Variants in TOX3 observed in about 807,000 individuals in gnomAD.
TOX3 encodes CAG trinucleotide repeat-containing gene F9 protein.
A neutral mutation model predicts 64.3 loss-of-function variants in TOX3; 22 were observed. The observed-to-expected ratio is 0.34, with a 90% confidence interval of 0.24 to 0.49. The LOEUF is 0.49. Ranked by LOEUF, TOX3 falls within the 20% of genes least tolerant of loss-of-function variation. The pLI, the probability that TOX3 is intolerant of heterozygous loss-of-function variation, is 0.99. For missense variants in TOX3, 661 were observed against 714.4 expected, an observed-to-expected ratio of 0.93 and a Z score of 0.85; for synonymous variants, 291 against 273.6, an observed-to-expected ratio of 1.06 and a Z score of -0.63.
intron 4 of TOX3, among the ~76,000 whole-genome samples, chr16:52,448,000 C>T (rs1451529909): frequency 6.6e-6 from 1 of 151,688 alleles, no homozygotes; most frequent in Non-Finnish European, 1.5e-5. Flanking sequence ...CTCTGTAAAA[C>T]AATATTCAAA....
intron 1 of TOX3, among the ~76,000 whole-genome samples, chr16:52,489,270 C>A (rs980913933): frequency 2.0e-5 from 3 of 152,118 alleles, no homozygotes; most frequent in Non-Finnish European, 2.9e-5. Flanking sequence ...TGCTGAGCCC[C>A]TCTCAAATTA....
chr16:52,483,775 G>A (rs1467671882), intron 1 of TOX3, among the ~76,000 whole-genome samples: 1 of 134,748 alleles, frequency 7.4e-6, no homozygotes, highest in Non-Finnish European at 1.6e-5. Context: ...CACCATGTTG[G>A]TCAGGCTGGT....
chr16:52,437,787 CT>C lies in TOX3; in HGVS notation c.*1437del, dbSNP rs1959791833. On this transcript the variant is annotated 3_prime_UTR_variant, in exon 7 of 7. Transcript: ENST00000219746. The stretch of plus-strand genomic sequence containing the variant: ...CTCTATACTTACCTTGTACTTGCAT[CT>C]TAAAAAAAAAAAAAAAAAAAAAAAA... Among the ~76,000 whole-genome samples the C allele has an allele frequency of 1.6e-5, 1 of 62,314 alleles. No individual in the cohort carries two copies. Among genetic ancestry groups the C allele is most frequent in the Admixed American group, 2.7e-4 (1 of 3,718 alleles). 40.9% of individuals were successfully genotyped at this position (62,314 alleles called of 152,430 possible). A position where few individuals can be genotyped will look rare whatever the true frequency, so the allele number is the denominator to read the frequency against.
chr16:52,514,273 A>T (rs1484599704), intron 1 of TOX3, among the ~76,000 whole-genome samples: 1 of 152,222 alleles, frequency 6.6e-6, no homozygotes, highest in East Asian at 1.9e-4. Context: ...CCACCCAAAC[A>T]TACAAGTTTA....
chr16:52,536,656 T>C (rs1440662975), intron 1 of TOX3, among the ~76,000 whole-genome samples: 2 of 123,114 alleles, frequency 1.6e-5, no homozygotes, highest in Non-Finnish European at 3.3e-5. Context: ...TATATATATA[T>C]ATATATATAT....
intron 3 of TOX3, among the ~76,000 whole-genome samples, chr16:52,460,730 G>A (rs9930274): frequency 0.17 from 24,965 of 148,074 alleles, 2,776 homozygotes; most frequent in East Asian, 0.61. Context: ...AAAAAAAAAA[G>A]AAATGTTGAA....
chr16:52,442,221 G>T (rs1960015986), intron 6 of TOX3, among the ~76,000 whole-genome samples: 1 of 152,110 alleles, frequency 6.6e-6, no homozygotes, highest in South Asian at 2.1e-4. Flanking sequence ...TTATTGTAAA[G>T]ATTAAAAGTG....
chr16:52,482,505 A>G (rs1036595231), intron 1 of TOX3, among the ~76,000 whole-genome samples: 6 of 152,332 alleles, frequency 3.9e-5, no homozygotes, highest in Middle Eastern at 3.4e-3. Context: ...GGAAAAACAG[A>G]TGTAAAAGTT....
Position 52,453,212 on chromosome 16 carries a change from C to A in TOX3, c.409-2666G>T, listed in dbSNP as rs150994476. ...GCTTTTTTTTTTTTTTAGATGGAGTCTCGCTCTGTTGCCCAGGCTGGAGTG... is the reference window on the plus strand; with the variant it reads ...GCTTTTTTTTTTTTTTAGATGGAGTATCGCTCTGTTGCCCAGGCTGGAGTG... On this transcript the variant is annotated intron_variant, in intron 3 of 6. Coordinates refer to ENST00000219746, the MANE Select transcript of TOX3 (RefSeq NM_001080430.4). Among the ~76,000 whole-genome samples, 1,166 of 143,760 alleles carry A rather than the reference C, an allele frequency of 8.1e-3. 17 individuals are homozygous for A. The highest frequency in any genetic ancestry group is 0.029 in the African/African-American group (1,090 of 38,116). 94.3% of individuals were successfully genotyped at this position (143,760 alleles called of 152,430 possible). A position where few individuals can be genotyped will look rare whatever the true frequency, so the allele number is the denominator to read the frequency against.
chr16:52,464,073 G>A lies in TOX3; in HGVS notation c.269C>T (p.Ala90Val). 6.2e-7 allele frequency: 1 copy of A among 1,605,222 alleles called. No individual in the cohort carries two copies. Among genetic ancestry groups the A allele is most frequent in the Non-Finnish European group, 8.5e-7 (1 of 1,176,176 alleles). The change falls in exon 3 of 7, where the codon GCC becomes GTC. Residue 90 changes from alanine (A) to valine (V), a missense_variant. By Grantham distance (64) the Ala-to-Val change is moderately conservative (BLOSUM62 0). Transcript: ENST00000219746. ...CTGGGAAGGCAATGGATCGCTGAGG[G>A]CTTGAAAGGGTAGCAGTACATCCGG... ...GMPDVLLPFQ[A>V]LSDPLPSQGS...
At chr16:52,522,775 C>T (rs188930929) in intron 1 of TOX3, among the ~76,000 whole-genome samples, 78 of 152,328 alleles carry the variant, frequency 5.1e-4, no homozygotes, top group Admixed American at 2.5e-3. Context: ...AGTGTCTCTC[C>T]TATCTGGTCC....
At chr16:52,476,286 T>C (rs2151445299) in intron 1 of TOX3, among the ~76,000 whole-genome samples, 1 of 152,288 alleles carries the variant, frequency 6.6e-6, no homozygotes, top group African/African-American at 2.4e-5. Context: ...TGGACTCTGC[T>C]CAAACACGGA....
At chr16:52,481,106 G>C (rs1961358843) in intron 1 of TOX3, among the ~76,000 whole-genome samples, 1 of 152,118 alleles carries the variant, frequency 6.6e-6, no homozygotes, top group South Asian at 2.1e-4. Context: ...ATAAATTCGA[G>C]ATGAGGTATT....
rs535179167 is a variant in TOX3 at position 52,539,030 on chromosome 16, A to G, written c.87+7607T>C. Among the ~76,000 whole-genome samples, 7 of 152,336 alleles carry G rather than the reference A, an allele frequency of 4.6e-5. No homozygotes were observed. In the East Asian group the frequency reaches 1.3e-3, roughly 29 times the overall value. ...ATATTTGAGTTTGTAAGTATACTCA[A>G]CAAAAATCCTGTCCTTTCTTATTAA... On this transcript the variant is annotated intron_variant, in intron 1 of 6. Coordinates refer to ENST00000219746, the MANE Select transcript of TOX3 (RefSeq NM_001080430.4).
Position 52,521,997 on chromosome 16 carries a change from C to T in TOX3, c.87+24640G>A, listed in dbSNP as rs546205198. ...AAGTTATTTAATTTCAGCCATGCTT[C>T]CATTTCCGTTTCTGTTAACTGGGAC... On this transcript the variant is annotated intron_variant, in intron 1 of 6. Transcript: ENST00000219746. Among the ~76,000 whole-genome samples, 8 of 152,282 alleles carry T rather than the reference C, an allele frequency of 5.3e-5. No individual in the cohort carries two copies. The East Asian group carries it at 1.5e-3, about 29-fold the overall frequency.
chr16:52,542,594 T>G (rs1034318630), intron 1 of TOX3, among the ~76,000 whole-genome samples: 1 of 152,222 alleles, frequency 6.6e-6, no homozygotes, highest in African/African-American at 2.4e-5. Context: ...AAATGGGGTA[T>G]GTTCTCTACT....
chr16:52,442,503 A>T (rs1960029280), intron 6 of TOX3, among the ~76,000 whole-genome samples: 1 of 152,122 alleles, frequency 6.6e-6, no homozygotes, highest in South Asian at 2.1e-4. Flanking sequence ...ACATGATGTG[A>T]TTTTCAGTCC....
rs548136305 is a variant in TOX3, at chr16:52,525,599, G to T, written c.87+21038C>A. 2.3e-4 allele frequency among the ~76,000 whole-genome samples: 35 copies of T among 152,248 alleles called. No homozygotes were observed. The South Asian group carries it at 5.8e-3, about 25-fold the overall frequency. On this transcript the variant is annotated intron_variant, in intron 1 of 6. Coordinates refer to ENST00000219746, the MANE Select transcript of TOX3 (RefSeq NM_001080430.4). ...ACAAAGGCAATAACTAAAAAGAGGG[G>T]CTCATCTCACACCTCTACTCCTCTC...
intron 2 of TOX3, 149 bp from the exon 3 acceptor site, chr16:52,464,337 A>G: frequency 2.1e-6 from 2 of 932,866 alleles, no homozygotes; most frequent in Non-Finnish European, 2.9e-6. Flanking sequence ...TTAAACACAG[A>G]TTTCCATATA....
Sources: gnomAD v4.1 joint callset for allele counts (sites outside exome capture counted in the v4.1 genomes callset) on GRCh38, gnomAD v4.1.1 for gene constraint, MANE v1.5 for transcripts, NCBI Gene and HGNC (gene_info 2026-07-23, HGNC 2026-07-21) for gene names.